Variants in MAGI2 observed in about 807,000 individuals in gnomAD.
MAGI2 encodes the protein membrane-associated guanylate kinase, WW and PDZ domain-containing protein 2.
In MAGI2, 35 loss-of-function variants were observed where a neutral mutation model predicts 133.3. The observed-to-expected ratio is 0.26, with a 90% CI of 0.20 to 0.35. The LOEUF is 0.35. MAGI2 is among the 10% of genes least tolerant of loss of function. The probability of loss-of-function intolerance (pLI) is 1.00; values close to 1 mark genes in which losing one functional copy is unlikely to be tolerated. For missense variants in MAGI2, 1,636 were observed against 1,863.4 expected, an observed-to-expected ratio of 0.88 and a Z score of 2.25; for synonymous variants, 729 against 710.6, an observed-to-expected ratio of 1.03 and a Z score of -0.41.
intron 6 of MAGI2, among the ~76,000 whole-genome samples, chr7:78,403,421 C>A (rs1157497135): frequency 6.6e-6 from 1 of 152,126 alleles, no homozygotes; most frequent in Non-Finnish European, 1.5e-5. Flanking sequence ...TGGGTTGGTT[C>A]CAAGTCTTTG....
At chr7:78,348,241 C>T (rs1053602604) in intron 7 of MAGI2, 1 of 152,136 alleles carries the variant, frequency 6.6e-6, no homozygotes, top group Non-Finnish European at 1.5e-5. Context: ...TTTCAGGTGG[C>T]ATCTTGGGCA....
At chr7:79,063,384 A>AT (rs1407043764) in intron 1 of MAGI2, among the ~76,000 whole-genome samples, 2 of 152,098 alleles carry the variant, frequency 1.3e-5, no homozygotes, top group East Asian at 1.9e-4. Flanking sequence ...CAAAATATGT[A>AT]TTTTTTATGT....
intron 2 of MAGI2, among the ~76,000 whole-genome samples, chr7:78,743,377 C>T (rs1321712034): frequency 2.6e-5 from 4 of 152,130 alleles, no homozygotes; most frequent in Non-Finnish European, 2.9e-5. Flanking sequence ...GACAATGAAT[C>T]GTACAATAAA....
chr7:79,288,561 A>C (rs561112810), intron 1 of MAGI2, among the ~76,000 whole-genome samples: 121 of 152,196 alleles, frequency 8.0e-4, no homozygotes, highest in African/African-American at 2.8e-3. Context: ...CATACCTTTC[A>C]ATGTTCCCTT....
At chr7:78,857,932 C>G (rs571869878) in intron 2 of MAGI2, among the ~76,000 whole-genome samples, 16 of 152,166 alleles carry the variant, frequency 1.1e-4, no homozygotes, top group Non-Finnish European at 2.1e-4. Context: ...ATTTCAGAAC[C>G]TGTTATTGAT....
intron 6 of MAGI2, among the ~76,000 whole-genome samples, chr7:78,457,497 G>A (rs963816841): frequency 3.3e-5 from 5 of 152,110 alleles, no homozygotes; most frequent in African/African-American, 7.2e-5. Context: ...GAATAATAAG[G>A]TCTACTGAGG....
chr7:79,072,023 G>C (rs1291376371), intron 1 of MAGI2, among the ~76,000 whole-genome samples: 2 of 152,086 alleles, frequency 1.3e-5, no homozygotes, highest in Admixed American at 6.6e-5. Context: ...AGTCTCTCAT[G>C]GCTTCCCTTG....
intron 10 of MAGI2, among the ~76,000 whole-genome samples, chr7:78,220,620 TC>T (rs1788715183): frequency 6.6e-6 from 1 of 151,170 alleles, no homozygotes; most frequent in South Asian, 2.1e-4. Context: ...ATATTCTATT[TC>T]CCTTTAACGG....
At chr7:78,480,509 A>T (rs1364535725) in intron 6 of MAGI2, among the ~76,000 whole-genome samples, 2 of 151,954 alleles carry the variant, frequency 1.3e-5, no homozygotes, top group Non-Finnish European at 2.9e-5. Context: ...AGTTAAATAA[A>T]ACAGTATATG....
At position 79,429,208 on chromosome 7, in the gene MAGI2, A is replaced by C. The variant is rs551607383; in HGVS notation, c.301+23812T>G. On this transcript the variant is annotated intron_variant, in intron 1 of 21. Coordinates refer to ENST00000354212, the MANE Select transcript of MAGI2 (RefSeq NM_012301.4). Reference sequence around the variant, plus strand: ...CTTTTCCATTTATTTGAATAAAATCAAATTGTTTTAACATATAATAAATCT... The same window carrying C: ...CTTTTCCATTTATTTGAATAAAATCCAATTGTTTTAACATATAATAAATCT... Among the ~76,000 whole-genome samples, 3 of 152,346 alleles carry C rather than the reference A, an allele frequency of 2.0e-5. No homozygotes were observed. In the South Asian group the frequency reaches 6.2e-4, roughly 32 times the overall value.
chr7:78,622,794 C>T lies in MAGI2; in HGVS notation c.538+4326G>A, dbSNP rs563291691. On this transcript the variant is annotated intron_variant, in intron 3 of 21. Transcript: ENST00000354212. The stretch of plus-strand genomic sequence containing the variant: ...AGTGTTTACCCAGGTCATTATGTGA[C>T]TTGAGAAAAGAGATTCTTATTAATC... Among the ~76,000 whole-genome samples the T allele has an allele frequency of 1.4e-4, 21 of 152,012 alleles. 1 individual carries two copies. In the South Asian group the frequency reaches 4.1e-3, roughly 30 times the overall value.
At chr7:78,889,581 C>A (rs1271393511) in intron 2 of MAGI2, among the ~76,000 whole-genome samples, 1 of 152,156 alleles carries the variant, frequency 6.6e-6, no homozygotes, top group African/African-American at 2.4e-5. Context: ...ATTTAACATT[C>A]TTAAAGAAAA....
intron 9 of MAGI2, among the ~76,000 whole-genome samples, chr7:78,295,825 A>AT (rs1797174399): frequency 6.6e-6 from 1 of 152,134 alleles, no homozygotes; most frequent in Non-Finnish European, 1.5e-5. Flanking sequence ...TAGTCATCTC[A>AT]AACTGAACGT....
Position 78,635,876 on chromosome 7 carries a change from G to A in MAGI2, c.419-8637C>T, listed in dbSNP as rs1159047622. Among the ~76,000 whole-genome samples, 4 of 152,176 alleles carry A rather than the reference G, an allele frequency of 2.6e-5. No individual in the cohort carries two copies. In the East Asian group the frequency reaches 5.8e-4, roughly 22 times the overall value. The stretch of plus-strand genomic sequence containing the variant: ...ATCAATTTTTACACAACCAGCCTAG[G>A]CCTTGGGTTTTATTATACTCATTTT... On this transcript the variant is annotated intron_variant, in intron 2 of 21. Coordinates refer to ENST00000354212, the MANE Select transcript of MAGI2 (RefSeq NM_012301.4).
At chr7:78,229,615 T>G (rs551624419) in intron 10 of MAGI2, among the ~76,000 whole-genome samples, 11 of 152,352 alleles carry the variant, frequency 7.2e-5, no homozygotes, top group African/African-American at 2.6e-4. Context: ...TGAGCCTGTG[T>G]GACAGCTCTG....
chr7:79,237,013 C>G (rs192870003), intron 1 of MAGI2, among the ~76,000 whole-genome samples: 1 of 152,168 alleles, frequency 6.6e-6, no homozygotes, highest in East Asian at 1.9e-4. Context: ...CCACTGCACT[C>G]CAGCCTGTAT....
chr7:78,062,431 A>G (rs913080446), intron 21 of MAGI2, among the ~76,000 whole-genome samples: 9 of 151,620 alleles, frequency 5.9e-5, no homozygotes, highest in African/African-American at 1.7e-4. Context: ...AGTCCTCTCC[A>G]CTCCTTTTCT....
intron 3 of MAGI2, among the ~76,000 whole-genome samples, chr7:78,608,053 T>A (rs2150901433): frequency 6.6e-6 from 1 of 152,282 alleles, no homozygotes; most frequent in Admixed American, 6.5e-5. Context: ...GAGAGCAAAT[T>A]AATTTCCTGT....
At chr7:78,286,138 T>C (rs914740134) in intron 9 of MAGI2, among the ~76,000 whole-genome samples, 22 of 152,150 alleles carry the variant, frequency 1.4e-4, no homozygotes, top group African/African-American at 3.6e-4. Flanking sequence ...TAAAATGTAT[T>C]CCTTATTGTA....
Sources: allele counts gnomAD v4.1 joint callset (sites outside exome capture counted in the v4.1 genomes callset), GRCh38; gene constraint gnomAD v4.1.1; transcripts MANE v1.5; gene names NCBI Gene and HGNC (gene_info 2026-07-23, HGNC 2026-07-21).